The following MOXD1 variants were observed in gnomAD, a reference collection of about 807,000 sequenced individuals.
MOXD1 encodes the protein DBH-like monooxygenase protein 1.
In MOXD1, 62 loss-of-function variants were observed where a neutral mutation model predicts 66.6. The observed-to-expected ratio is 0.93, with a 90% CI of 0.76 to 1.15. The LOEUF is 1.15. MOXD1 is among the 50% of genes most tolerant of loss of function. The pLI is 0.00. For synonymous variants in MOXD1, 303 were observed against 281.9 expected (o/e 1.07, Z -0.75); for missense variants, 847 against 754.6 (o/e 1.12, Z -1.44).
In MOXD1 at chr6:132,328,018, T is replaced by C; in HGVS notation, c.941A>G (p.Glu314Gly). ...LEVHYDNPTY[E>G]EGLIDNSGLR... The stretch of plus-strand genomic sequence containing the variant: ...CATATGAATAATAAACTCACCTTCC[T>C]CATAAGTGGGATTATCATAATGGAC... The change falls in exon 6 of 12, where the codon GAG becomes GGG. Residue 314 changes from glutamate to glycine, a missense_variant. Physicochemically the swap from Glu to Gly is moderately conservative, Grantham distance 98. Coordinates refer to ENST00000367963, the MANE Select transcript of MOXD1 (RefSeq NM_015529.4). 1 of 1,609,536 alleles carries C rather than the reference T, an allele frequency of 6.2e-7. No individual in the cohort carries two copies. Among genetic ancestry groups the C allele is most frequent in the Non-Finnish European group, 8.5e-7 (1 of 1,176,196 alleles).
chr6:132,329,969 C>T (rs1775282796), intron 4 of MOXD1, among the ~76,000 whole-genome samples: 1 of 152,140 alleles, frequency 6.6e-6, no homozygotes, highest in South Asian at 2.1e-4. Flanking sequence ...AAAGCGTGAT[C>T]CACATGAATG....
In MOXD1 at chr6:132,328,097, G is replaced by A. The variant is rs762452148; in HGVS notation, c.862C>T (p.His288Tyr). Residue 288 changes from histidine (H) to tyrosine (Y), a missense_variant, in exon 6 of 12, where the codon CAT becomes TAT. Coordinates refer to ENST00000367963, the MANE Select transcript of MOXD1 (RefSeq NM_015529.4). ...IGGEGFSYPP[H>Y]VGLSLGTPLD... ...GGAGTGCCAAGGGATAATCCAACATGAGGTGGATAAGAAAAGCCCTAAATA... is the reference window on the plus strand; with the variant it reads ...GGAGTGCCAAGGGATAATCCAACATAAGGTGGATAAGAAAAGCCCTAAATA... 2.5e-6 allele frequency: 4 copies of A among 1,613,362 alleles called. No individual in the cohort carries two copies. Among genetic ancestry groups the A allele is most frequent in the Non-Finnish European group, 3.4e-6 (4 of 1,179,386 alleles).
intron 1 of MOXD1, among the ~76,000 whole-genome samples, chr6:132,378,842 T>A (rs1462772435): frequency 6.8e-6 from 1 of 147,460 alleles, no homozygotes; most frequent in Non-Finnish European, 1.5e-5. Flanking sequence ...TCACAATTTC[T>A]TCTGGAAAAT....
chr6:132,401,443 C>A lies in MOXD1; in HGVS notation c.-17G>T. Reference sequence around the variant, plus strand: ...GCAGCACATCCTCGGGCGCCTCCTGCCCGCCGGTACCGGCCTCCAGCCGCT... The same window carrying A: ...GCAGCACATCCTCGGGCGCCTCCTGACCGCCGGTACCGGCCTCCAGCCGCT... On this transcript the variant is annotated 5_prime_UTR_variant, in exon 1 of 12. Transcript: ENST00000367963. The A allele has an allele frequency of 6.8e-7, 1 of 1,465,948 alleles. No individual in the cohort carries two copies. The highest frequency in any genetic ancestry group is 9.0e-7 in the Non-Finnish European group (1 of 1,115,012). 90.8% of individuals were successfully genotyped at this position (1,465,948 alleles called of 1,614,324 possible). A position where few individuals can be genotyped will look rare whatever the true frequency, so the allele number is the denominator to read the frequency against.
At chr6:132,391,862 A>G (rs1049727088) in intron 1 of MOXD1, 10 of 186,964 alleles carry the variant, frequency 5.3e-5, no homozygotes, top group Non-Finnish European at 1.1e-4. Context: ...TTATGAAATC[A>G]TCTGCTCCGC....
intron 1 of MOXD1, among the ~76,000 whole-genome samples, chr6:132,388,169 G>A (rs975667686): frequency 1.3e-5 from 2 of 151,348 alleles, no homozygotes; most frequent in Non-Finnish European, 3.0e-5. Flanking sequence ...TACACTAAGC[G>A]ATTGATTCAT....
chr6:132,324,020 C>T lies in MOXD1; in HGVS notation c.1024G>A (p.Gly342Ser). The T allele has an allele frequency of 6.2e-7, 1 of 1,613,688 alleles. No homozygotes were observed. Among genetic ancestry groups the T allele is most frequent in the Non-Finnish European group, 8.5e-7 (1 of 1,179,668 alleles). Residue 342 changes from glycine (G) to serine (S), a missense_variant, in exon 7 of 12, where the codon GGC becomes AGC. By Grantham distance (56) the Gly-to-Ser change is moderately conservative. Coordinates refer to ENST00000367963, the MANE Select transcript of MOXD1 (RefSeq NM_015529.4). ...GTATGGAAGAGGCTCACCCAGAGGCCAGCCTCAATCACCCCAGCATCATAT... is the reference window on the plus strand; with the variant it reads ...GTATGGAAGAGGCTCACCCAGAGGCTAGCCTCAATCACCCCAGCATCATAT... ...RKYDAGVIEA[G>S]LWVSLFHTIP...
rs541804147 is a variant in MOXD1, at chr6:132,355,313, C to A, written c.663+17295G>T. 2.7e-3 allele frequency among the ~76,000 whole-genome samples: 406 copies of A among 152,274 alleles called. 2 individuals are homozygous for A. The highest frequency in any genetic ancestry group is 2.4e-3 in the Non-Finnish European group (160 of 68,028). On this transcript the variant is annotated intron_variant, in intron 4 of 11. Transcript: ENST00000367963. ...GCATGCTTAGGGACCCAGTGAGCTC[C>A]CAGGTCCTTTCCCACTGCTTCCTCT... is the stretch of plus-strand genomic sequence containing the variant.
At chr6:132,326,928 G>A (rs1346668608) in intron 6 of MOXD1, among the ~76,000 whole-genome samples, 1 of 152,108 alleles carries the variant, frequency 6.6e-6, no homozygotes, top group African/African-American at 2.4e-5. Flanking sequence ...AGCCAGAGTG[G>A]TCTTTTCAAA....
intron 1 of MOXD1, among the ~76,000 whole-genome samples, chr6:132,397,236 CA>C (rs1274975265): frequency 6.6e-6 from 1 of 152,222 alleles, no homozygotes; most frequent in Non-Finnish European, 1.5e-5. Context: ...GAGTTGTCCC[CA>C]CCAAATTTCA....
intron 4 of MOXD1, among the ~76,000 whole-genome samples, chr6:132,346,091 G>A (rs1285314499): frequency 6.6e-6 from 1 of 151,590 alleles, no homozygotes; most frequent in Non-Finnish European, 1.5e-5. Flanking sequence ...ATGATTTCAA[G>A]GCCTAATAAT....
chr6:132,389,495 A>T (rs2114691081), intron 1 of MOXD1, among the ~76,000 whole-genome samples: 2 of 151,520 alleles, frequency 1.3e-5, no homozygotes, highest in Admixed American at 1.3e-4. Context: ...AACTTGGCCC[A>T]CATTGGAATC....
Position 132,401,388 on chromosome 6 carries a change from G to A in MOXD1, c.39C>T (p.Leu13=), listed in dbSNP as rs77906164. The change falls in exon 1 of 12, where the codon CTC becomes CTT. Residue 13 remains leucine, a synonymous_variant. Transcript: ENST00000367963. ...CWPLLLLWGL[L]PGTAAGGSGR... is the part of the protein sequence containing the mutation. The stretch of plus-strand genomic sequence containing the variant: ...CCGAGCCCCCCGCCGCCGTCCCGGG[G>A]AGCAGCCCCCACAGCAGGAGCAGCG... The A allele has an allele frequency of 0.21, 323,454 of 1,534,364 alleles. 36,957 individuals are homozygous for A. The highest frequency in any genetic ancestry group is 0.24 in the Non-Finnish European group (271,124 of 1,146,148).
Position 132,296,937 on chromosome 6 carries a change from A to G in MOXD1, c.*216T>C. The G allele has an allele frequency of 2.6e-6, 1 of 379,550 alleles. No homozygotes were observed. Among genetic ancestry groups the G allele is most frequent in the Non-Finnish European group, 4.7e-6 (1 of 214,916 alleles). 23.5% of individuals were successfully genotyped at this position (379,550 alleles called of 1,614,324 possible). On this transcript the variant is annotated 3_prime_UTR_variant, in exon 12 of 12. Transcript: ENST00000367963. The stretch of plus-strand genomic sequence containing the variant: ...TCTTAAGTCAGGCCAGTTTTATTTT[A>G]TTGACCATGTATATATAACATCAGA...
At chr6:132,362,931 C>T (rs1776043691) in intron 4 of MOXD1, among the ~76,000 whole-genome samples, 1 of 152,146 alleles carries the variant, frequency 6.6e-6, no homozygotes, top group East Asian at 1.9e-4. Context: ...TCCTAAATCA[C>T]AAATGAAACT....
Position 132,376,359 on chromosome 6 carries a change from T to G in MOXD1, c.265-1582A>C, listed in dbSNP as rs574053036. On this transcript the variant is annotated intron_variant, in intron 1 of 11. Transcript: ENST00000367963. Reference sequence around the variant, plus strand: ...TTTGGCATTTTTATTCCAAGCATCTTTGTATGGTAATTATAAGTGTGCATA... The same window carrying G: ...TTTGGCATTTTTATTCCAAGCATCTGTGTATGGTAATTATAAGTGTGCATA... 1.1e-4 allele frequency among the ~76,000 whole-genome samples: 16 copies of G among 152,330 alleles called. No homozygotes were observed. In the South Asian group the frequency reaches 3.3e-3, roughly 32 times the overall value.
intron 11 of MOXD1, 85 bp downstream of exon 11, chr6:132,297,702 G>A: frequency 6.9e-7 from 1 of 1,444,896 alleles, no homozygotes; most frequent in Admixed American, 2.4e-5. Flanking sequence ...TGGATTTATG[G>A]ATATTTGTCT....
Position 132,355,852 on chromosome 6 carries a change from C to T in MOXD1, c.663+16756G>A, listed in dbSNP as rs9375874. Among the ~76,000 whole-genome samples, 6,397 of 152,174 alleles carry T rather than the reference C, an allele frequency of 0.042. 679 individuals are homozygous for T. The East Asian group carries it at 0.44, about 11-fold the overall frequency. On this transcript the variant is annotated intron_variant, in intron 4 of 11. Coordinates refer to ENST00000367963, the MANE Select transcript of MOXD1 (RefSeq NM_015529.4). ...GGGTTGGTTTGGTTCACAGAAATAG[C>T]TAACCAATAAAAATGAATAAAAAAT...
At chr6:132,339,318 G>T (rs141348117) in intron 4 of MOXD1, among the ~76,000 whole-genome samples, 12 of 151,826 alleles carry the variant, frequency 7.9e-5, no homozygotes, top group African/African-American at 2.7e-4. Context: ...AAATGTTTTC[G>T]TTCAAGAGAT....
Sources: allele counts gnomAD v4.1 joint callset (sites outside exome capture counted in the v4.1 genomes callset), GRCh38; gene constraint gnomAD v4.1.1; transcripts MANE v1.5; gene names NCBI Gene and HGNC (gene_info 2026-07-23, HGNC 2026-07-21).